MCHR2: variants seen among roughly 807,000 people sequenced by gnomAD.
MCHR2 encodes melanin concentrating hormone receptor 2.
A neutral mutation model predicts 24.8 loss-of-function variants in MCHR2; 15 were observed. The ratio of observed to expected loss-of-function variants is 0.60; its 90% CI spans 0.40 to 0.93. The LOEUF (loss-of-function observed/expected upper bound fraction) is 0.93. Ranked by LOEUF, MCHR2 falls within the 40% of genes least tolerant of loss-of-function variation. MCHR2 has a pLI of 0.00. For synonymous variants in MCHR2, 151 were observed against 147.6 expected, an observed-to-expected ratio of 1.02 and a Z score of -0.17; for missense variants, 386 against 408.7, an observed-to-expected ratio of 0.94 and a Z score of 0.48.
rs1378878066 is a variant in MCHR2, at chr6:99,963,922, T to C, written c.-27-7748A>G. On this transcript the variant is annotated intron_variant, in intron 1 of 5. Coordinates refer to ENST00000281806, the MANE Select transcript of MCHR2 (RefSeq NM_001040179.2). ...TTGTTCAAAATATATAAACTATCTATACAAACCTATAAAAAAAGATAGAGA... is the reference window on the plus strand; with the variant it reads ...TTGTTCAAAATATATAAACTATCTACACAAACCTATAAAAAAAGATAGAGA... Among the ~76,000 whole-genome samples, 3 of 152,006 alleles carry C rather than the reference T, an allele frequency of 2.0e-5. No individual in the cohort carries two copies. In the East Asian group the frequency reaches 5.8e-4, roughly 29 times the overall value.
At chr6:99,945,681 A>G (rs1445354804) in intron 3 of MCHR2, among the ~76,000 whole-genome samples, 3 of 152,152 alleles carry the variant, frequency 2.0e-5, no homozygotes, top group Non-Finnish European at 4.4e-5. Context: ...ACTTTTATGA[A>G]TTTAGTGGAG....
intron 1 of MCHR2, among the ~76,000 whole-genome samples, chr6:99,978,541 C>T (rs1251447911): frequency 1.3e-5 from 2 of 151,764 alleles, no homozygotes; most frequent in East Asian, 3.9e-4. Flanking sequence ...GCCTCAGCCT[C>T]CTGAGTAGCT....
At chr6:99,926,558 T>C (rs950203267) in intron 5 of MCHR2, among the ~76,000 whole-genome samples, 1 of 152,216 alleles carries the variant, frequency 6.6e-6, no homozygotes, top group Non-Finnish European at 1.5e-5. Context: ...CTCATTGTGG[T>C]TTTGATTTGC....
At position 99,921,036 on chromosome 6, in the gene MCHR2, C is replaced by T; in HGVS notation, c.927G>A (p.Leu309=). The T allele has an allele frequency of 2.5e-6, 4 of 1,614,158 alleles. No individual in the cohort carries two copies. Among genetic ancestry groups the T allele is most frequent in the South Asian group, 2.2e-5 (2 of 91,076 alleles). Residue 309 remains leucine, a synonymous_variant, in exon 6 of 6, where the codon CTG becomes CTA. Transcript: ENST00000281806. The part of the protein sequence containing the change: ...SSINPFLYIL[L]SGNFQKRLPQ... ...GCAGACGTTTCTGGAAATTTCCACT[C>T]AGCAGGATGTAGAGAAAAGGGTTAA...
At chr6:99,977,360 G>A (rs541641164) in intron 1 of MCHR2, among the ~76,000 whole-genome samples, 2 of 152,116 alleles carry the variant, frequency 1.3e-5, no homozygotes, top group African/African-American at 4.8e-5. Flanking sequence ...TTTCACTAGA[G>A]AAGTTTTCAC....
At chr6:99,984,760 A>G (rs1025586769) in intron 1 of MCHR2, among the ~76,000 whole-genome samples, 10 of 152,154 alleles carry the variant, frequency 6.6e-5, no homozygotes, top group African/African-American at 9.7e-5. Flanking sequence ...ACCCCTTAGA[A>G]TGGGACAATA....
intron 1 of MCHR2, among the ~76,000 whole-genome samples, chr6:99,966,799 C>A (rs1775303376): frequency 6.6e-6 from 1 of 151,706 alleles, no homozygotes; most frequent in Admixed American, 6.6e-5. Context: ...TTTAAAGAAT[C>A]TTTTGTATAA....
At chr6:99,969,351 G>A (rs1372619947) in intron 1 of MCHR2, among the ~76,000 whole-genome samples, 2 of 151,080 alleles carry the variant, frequency 1.3e-5, no homozygotes, top group African/African-American at 2.4e-5. Context: ...GCAGGTGTCT[G>A]TAATCCCAGC....
chr6:99,944,434 GT>G (rs995947052), intron 3 of MCHR2, among the ~76,000 whole-genome samples: 1 of 152,168 alleles, frequency 6.6e-6, no homozygotes, highest in African/African-American at 2.4e-5. Context: ...TTTTCTCCAA[GT>G]TTTTGCAAAG....
At chr6:99,972,858 G>A (rs1339899639) in intron 1 of MCHR2, among the ~76,000 whole-genome samples, 4 of 152,244 alleles carry the variant, frequency 2.6e-5, no homozygotes, top group East Asian at 1.9e-4. Context: ...CAGTTTCCAT[G>A]TAGTTGAGTG....
chr6:99,944,901 C>T (rs896290011), intron 3 of MCHR2, among the ~76,000 whole-genome samples: 1 of 152,148 alleles, frequency 6.6e-6, no homozygotes, highest in African/African-American at 2.4e-5. Flanking sequence ...CTCTTGACTT[C>T]CTCAAGCTCT....
At chr6:99,960,209 G>A (rs1214355140) in intron 1 of MCHR2, among the ~76,000 whole-genome samples, 1 of 152,042 alleles carries the variant, frequency 6.6e-6, no homozygotes, top group Non-Finnish European at 1.5e-5. Context: ...GAAAAAAACT[G>A]TCAACCAAGA....
intron 1 of MCHR2, among the ~76,000 whole-genome samples, chr6:99,982,194 G>A (rs1335526660): frequency 6.6e-6 from 1 of 151,794 alleles, no homozygotes; most frequent in Non-Finnish European, 1.5e-5. Flanking sequence ...CTCCCACTTC[G>A]ACAAAATTCC....
At position 99,948,001 on chromosome 6, in the gene MCHR2, A is replaced by T. The variant is rs925272774; in HGVS notation, c.183-30T>A. The T allele has an allele frequency of 8.2e-6, 13 of 1,581,198 alleles. No homozygotes were observed. The African/African-American group carries it at 1.6e-4, about 20-fold the overall frequency. On this transcript the variant is annotated intron_variant, in intron 2 of 5. Transcript: ENST00000281806. ...AAGAGATAGAGGAAACTGAGGATTG[A>T]CATTGAATGTATACAGACTATTCGA... is the stretch of plus-strand genomic sequence containing the variant.
chr6:99,966,144 A>G (rs575009939), intron 1 of MCHR2, among the ~76,000 whole-genome samples: 9 of 152,282 alleles, frequency 5.9e-5, no homozygotes, highest in African/African-American at 1.7e-4. Context: ...GGAGCTTCAA[A>G]GAGTAGAAAA....
At chr6:99,929,283 G>C (rs1774447157) in intron 5 of MCHR2, among the ~76,000 whole-genome samples, 1 of 152,110 alleles carries the variant, frequency 6.6e-6, no homozygotes, top group Admixed American at 6.5e-5. Context: ...TGGAATAGGT[G>C]TGGTGTGGTG....
At chr6:99,960,541 G>A (rs189793551) in intron 1 of MCHR2, among the ~76,000 whole-genome samples, 1 of 152,018 alleles carries the variant, frequency 6.6e-6, no homozygotes, top group Admixed American at 6.6e-5. Flanking sequence ...CTAGGCAAAA[G>A]GAACAAAGCC....
intron 5 of MCHR2, among the ~76,000 whole-genome samples, chr6:99,922,106 ATTTT>A (rs34099388): frequency 1.6e-5 from 2 of 125,866 alleles, no homozygotes; most frequent in Admixed American, 8.2e-5. Context: ...CCATTTGTCC[ATTTT>A]TTTTTTTTTT....
At chr6:99,970,848 G>T (rs1351089328) in intron 1 of MCHR2, among the ~76,000 whole-genome samples, 2 of 152,080 alleles carry the variant, frequency 1.3e-5, no homozygotes, top group Non-Finnish European at 2.9e-5. Flanking sequence ...TTTTTGTCAG[G>T]TTTGTCAAAA....
Sources: gnomAD v4.1 joint callset for allele counts (sites outside exome capture counted in the v4.1 genomes callset) on GRCh38, gnomAD v4.1.1 for gene constraint, MANE v1.5 for transcripts, NCBI Gene and HGNC (gene_info 2026-07-23, HGNC 2026-07-21) for gene names.